MTBP: variants seen among roughly 807,000 people sequenced by gnomAD.
MTBP encodes the protein MDM2 binding protein.
MTBP carries 101 observed loss-of-function variants against 117.0 expected under a neutral mutation model. The observed-to-expected ratio is 0.86, with a 90% CI of 0.73 to 1.02. The LOEUF is 1.02. Among genes scored for constraint, MTBP ranks in the 50% least tolerant of loss-of-function variants. The pLI, the probability that MTBP is intolerant of heterozygous loss-of-function variation, is 0.00. For synonymous variants in MTBP, 350 were observed against 351.5 expected, an observed-to-expected ratio of 1.00 and a Z score of 0.05; for missense variants, 970 against 1,030.9, an observed-to-expected ratio of 0.94 and a Z score of 0.81.
At chr8:120,457,602 T>C (rs1813495997) in intron 7 of MTBP, among the ~76,000 whole-genome samples, 1 of 152,162 alleles carries the variant, frequency 6.6e-6, no homozygotes, top group African/African-American at 2.4e-5. Context: ...AGGTGAACTT[T>C]CTCTGCAAAT....
Position 120,515,959 on chromosome 8 carries a change from G to A in MTBP, c.2014G>A (p.Asp672Asn). The A allele has an allele frequency of 6.2e-7, 1 of 1,612,750 alleles. No homozygotes were observed. Among genetic ancestry groups the A allele is most frequent in the East Asian group, 2.2e-5 (1 of 44,850 alleles). The change falls in exon 18 of 22, where the codon GAT becomes AAT. Residue 672 changes from aspartate (D) to asparagine (N), a missense_variant. Coordinates refer to ENST00000305949, the MANE Select transcript of MTBP (RefSeq NM_022045.5). ...GGATGACCGAAAAGCTTTGGAAAGA[G>A]ATGGAGGATTTTCTGAACTTCAGTC... Reference protein sequence around the residue: ...CLDDRKALERDGGFSELQSRL... With the variant: ...CLDDRKALERNGGFSELQSRL...
chr8:120,516,687 TA>T (rs1814926537), intron 18 of MTBP, among the ~76,000 whole-genome samples: 1 of 152,068 alleles, frequency 6.6e-6, no homozygotes, highest in African/African-American at 2.4e-5. Context: ...GTTTGCTAAC[TA>T]AATGAAATAT....
chr8:120,516,771 A>T (rs1353715393), intron 18 of MTBP, among the ~76,000 whole-genome samples: 1 of 152,066 alleles, frequency 6.6e-6, no homozygotes, highest in Non-Finnish European at 1.5e-5. Context: ...TTATCTTTAG[A>T]ACCTTTGTCA....
intron 15 of MTBP, among the ~76,000 whole-genome samples, chr8:120,503,254 G>T (rs550962398): frequency 6.6e-6 from 1 of 152,186 alleles, no homozygotes; most frequent in Admixed American, 6.5e-5. Context: ...GGCATTTATT[G>T]AGTACCAACC....
chr8:120,504,277 T>G (rs1814649022), intron 15 of MTBP, among the ~76,000 whole-genome samples: 1 of 152,166 alleles, frequency 6.6e-6, no homozygotes, highest in Admixed American at 6.5e-5. Context: ...GATGATATCT[T>G]ATAACTTCCC....
At chr8:120,507,510 CTTT>C (rs1278837988) in intron 16 of MTBP, among the ~76,000 whole-genome samples, 2 of 152,180 alleles carry the variant, frequency 1.3e-5, no homozygotes, top group African/African-American at 4.8e-5. Flanking sequence ...ACTCTAATGT[CTTT>C]TTAATTGTTA....
chr8:120,482,398 T>A (rs1299559708), intron 11 of MTBP, among the ~76,000 whole-genome samples: 2 of 152,104 alleles, frequency 1.3e-5, no homozygotes, highest in African/African-American at 4.8e-5. Context: ...AATTCTGCAG[T>A]AGCTTTTTGT....
At chr8:120,483,358 A>G (rs1814137035) in intron 11 of MTBP, among the ~76,000 whole-genome samples, 1 of 152,060 alleles carries the variant, frequency 6.6e-6, no homozygotes, top group African/African-American at 2.4e-5. Flanking sequence ...ATGATTATTA[A>G]AATAATTGGT....
Position 120,506,859 on chromosome 8 carries a change from G to A in MTBP, c.1881G>A (p.Lys627=). The change falls in exon 16 of 22, where the codon AAG becomes AAA. Residue 627 remains lysine (K), a splice_region_variant and synonymous_variant. Transcript: ENST00000305949. ...IGDLQPLPIQ[K]GEKTFVLTPE... is the part of the protein sequence containing the mutation. ...ATCTTCAACCTTTACCGATTCAAAA[G>A]GGGTAGGTTATAAACTTATAATTTC... is the stretch of plus-strand genomic sequence containing the variant. 2 of 1,596,878 alleles carry A rather than the reference G, an allele frequency of 1.3e-6. No homozygotes were observed. The highest frequency in any genetic ancestry group is 2.3e-5 in the South Asian group (2 of 87,254).
intron 9 of MTBP, among the ~76,000 whole-genome samples, chr8:120,461,934 T>C (rs1813589478): frequency 6.6e-6 from 1 of 152,176 alleles, no homozygotes; most frequent in African/African-American, 2.4e-5. Context: ...ATACTCATTA[T>C]TTTCTTATTG....
At chr8:120,484,800 A>G (rs1391501347) in intron 11 of MTBP, among the ~76,000 whole-genome samples, 1 of 152,130 alleles carries the variant, frequency 6.6e-6, no homozygotes, top group Non-Finnish European at 1.5e-5. Flanking sequence ...GTTAGCAATC[A>G]TTGCGCATTT....
chr8:120,466,211 CTTT>C (rs33994178), intron 10 of MTBP, among the ~76,000 whole-genome samples: 27,274 of 127,942 alleles, frequency 0.21, 3,389 homozygotes, highest in Non-Finnish European at 0.3. Flanking sequence ...GTTTTTTACT[CTTT>C]TTTTTTTTTT....
intron 15 of MTBP, among the ~76,000 whole-genome samples, chr8:120,506,234 T>C (rs939204156): frequency 3.3e-5 from 5 of 152,138 alleles, no homozygotes; most frequent in Admixed American, 2.0e-4. Flanking sequence ...TTTCTGATTA[T>C]TGTCTCATTT....
chr8:120,503,536 C>T (rs1449576750), intron 15 of MTBP, among the ~76,000 whole-genome samples: 1 of 152,044 alleles, frequency 6.6e-6, no homozygotes, highest in African/African-American at 2.4e-5. Context: ...TGAGACCTAA[C>T]GGATAAATGG....
At chr8:120,512,535 A>G (rs1814834153) in intron 17 of MTBP, among the ~76,000 whole-genome samples, 2 of 129,634 alleles carry the variant, frequency 1.5e-5, no homozygotes, top group African/African-American at 5.0e-5. Flanking sequence ...ATCATTTATC[A>G]AAATATTAAA....
chr8:120,457,923 G>A (rs1323759777), intron 7 of MTBP, among the ~76,000 whole-genome samples: 7 of 147,750 alleles, frequency 4.7e-5, no homozygotes, highest in Non-Finnish European at 1.5e-5. Context: ...TCCAGCCTGC[G>A]TGACAGAGTG....
chr8:120,511,765 A>G (rs2130614966), intron 17 of MTBP, among the ~76,000 whole-genome samples: 1 of 152,234 alleles, frequency 6.6e-6, no homozygotes, highest in East Asian at 1.9e-4. Context: ...AAAACCAACA[A>G]TTCCTTTCCT....
intron 19 of MTBP, 120 bp downstream of exon 19, chr8:120,518,220 T>C (rs12155618): frequency 0.64 from 717,283 of 1,123,772 alleles, 235,845 homozygotes; most frequent in Non-Finnish European, 0.68. Context: ...TAGAATTTAC[T>C]GGTGTAAGAA....
intron 10 of MTBP, 21 bp downstream of exon 10, chr8:120,463,782 GT>G: frequency 6.2e-7 from 1 of 1,602,996 alleles, no homozygotes; most frequent in Admixed American, 1.7e-5. Flanking sequence ...TTTCTTGGGG[GT>G]TTTTTGTTTG....
Sources: allele counts gnomAD v4.1 joint callset (sites outside exome capture counted in the v4.1 genomes callset), GRCh38; gene constraint gnomAD v4.1.1; transcripts MANE v1.5; gene names NCBI Gene and HGNC (gene_info 2026-07-23, HGNC 2026-07-21).